Variants in PLCB1 observed in about 807,000 individuals in gnomAD.
PLCB1 encodes 1-phosphatidylinositol 4,5-bisphosphate phosphodiesterase beta-1.
PLCB1 carries 46 observed loss-of-function variants against 161.8 expected under a neutral mutation model. That is an observed-to-expected ratio of 0.28 (90% CI 0.22 to 0.36). The LOEUF (loss-of-function observed/expected upper bound fraction) is 0.36, where lower values mean the gene tolerates loss of function less well. PLCB1 is among the 10% of genes least tolerant of loss of function. PLCB1 has a pLI of 1.00. For synonymous variants in PLCB1, 517 were observed against 503.7 expected, an observed-to-expected ratio of 1.03 and a Z score of -0.35; for missense variants, 1,016 against 1,472.5, an observed-to-expected ratio of 0.69 and a Z score of 5.07.
At position 8,586,560 on chromosome 20, in the gene PLCB1, C is replaced by T. The variant is rs952190962; in HGVS notation, c.247-41734C>T. ...GTGGCAGAGCCAGGCTTGATAATTA[C>T]GTCCCTTACATTGGCCGGCCTGATA... On this transcript the variant is annotated intron_variant, in intron 3 of 31. Coordinates refer to ENST00000338037, the MANE Select transcript of PLCB1 (RefSeq NM_015192.4). Among the ~76,000 whole-genome samples, 9 of 152,098 alleles carry T rather than the reference C, an allele frequency of 5.9e-5. No individual in the cohort carries two copies. In the East Asian group the frequency reaches 1.4e-3, roughly 23 times the overall value.
At position 8,505,604 on chromosome 20, in the gene PLCB1, G is replaced by T. The variant is rs554427636; in HGVS notation, c.247-122690G>T. On this transcript the variant is annotated intron_variant, in intron 3 of 31. Transcript: ENST00000338037. ...ATTGCTTATTACTGTACCGTCAAGT[G>T]AAATGCTCCATGAAATATGTTCTGT... is the stretch of plus-strand genomic sequence containing the variant. Among the ~76,000 whole-genome samples, 7 of 152,314 alleles carry T rather than the reference G, an allele frequency of 4.6e-5. No homozygotes were observed. In the South Asian group the frequency reaches 1.5e-3, roughly 32 times the overall value.
At position 8,678,857 on chromosome 20, in the gene PLCB1, C is replaced by G. The variant is rs138643989; in HGVS notation, c.863-6075C>G. Reference sequence around the variant, plus strand: ...TCAGAAGAGTCCTGAAATTTACATCCCCAAGAAGGTTCCTATCTGGCCAAC... The same window carrying G: ...TCAGAAGAGTCCTGAAATTTACATCGCCAAGAAGGTTCCTATCTGGCCAAC... On this transcript the variant is annotated intron_variant, in intron 9 of 31. Transcript: ENST00000338037. Among the ~76,000 whole-genome samples, 23 of 152,256 alleles carry G rather than the reference C, an allele frequency of 1.5e-4. No individual in the cohort carries two copies. The East Asian group carries it at 2.9e-3, about 19-fold the overall frequency.
chr20:8,546,824 CA>C (rs1985569882), intron 3 of PLCB1, among the ~76,000 whole-genome samples: 1 of 151,392 alleles, frequency 6.6e-6, no homozygotes, highest in Admixed American at 6.6e-5. Flanking sequence ...TTCTGTTTTC[CA>C]AAAAGAGTTT....
At chr20:8,203,119 A>C (rs1189611103) in intron 2 of PLCB1, among the ~76,000 whole-genome samples, 1 of 152,130 alleles carries the variant, frequency 6.6e-6, no homozygotes, top group African/African-American at 2.4e-5. Flanking sequence ...ACACACGTAC[A>C]CACACAGAGG....
chr20:8,241,090 G>T (rs1449080045), intron 2 of PLCB1, among the ~76,000 whole-genome samples: 1 of 151,870 alleles, frequency 6.6e-6, no homozygotes, highest in Non-Finnish European at 1.5e-5. Flanking sequence ...CATGTTTTGG[G>T]TATTTCCTAA....
chr20:8,686,787 A>T (rs933168289), intron 10 of PLCB1, among the ~76,000 whole-genome samples: 38 of 152,260 alleles, frequency 2.5e-4, no homozygotes, highest in African/African-American at 8.9e-4. Context: ...GTTCTGGCAC[A>T]TAGAGATCTT....
At chr20:8,838,004 A>C in intron 31 of PLCB1, among the ~76,000 whole-genome samples, 1 of 152,100 alleles carries the variant, frequency 6.6e-6, no homozygotes, top group East Asian at 1.9e-4. Context: ...GTTCCTGGAA[A>C]GTAAAAGAGA....
At chr20:8,146,568 T>C (rs946086687) in intron 1 of PLCB1, among the ~76,000 whole-genome samples, 1 of 152,222 alleles carries the variant, frequency 6.6e-6, no homozygotes, top group African/African-American at 2.4e-5. Context: ...TGTCATTTCG[T>C]CTCAGTTTCT....
intron 27 of PLCB1, among the ~76,000 whole-genome samples, chr20:8,782,249 C>T (rs1446809611): frequency 6.6e-6 from 1 of 152,114 alleles, no homozygotes; most frequent in Non-Finnish European, 1.5e-5. Flanking sequence ...GATTATAGCT[C>T]TGGGTAGACA....
At position 8,823,346 on chromosome 20, in the gene PLCB1, C is replaced by T. The variant is rs145585124; in HGVS notation, c.3423+33085C>T. On this transcript the variant is annotated intron_variant, in intron 31 of 31. Coordinates refer to ENST00000338037, the MANE Select transcript of PLCB1 (RefSeq NM_015192.4). Reference sequence around the variant, plus strand: ...CCATGTTGGCCAGGCTAGTCTGAAACTCCTGACCTCAGGTGATCTGCCTGC... The same window carrying T: ...CCATGTTGGCCAGGCTAGTCTGAAATTCCTGACCTCAGGTGATCTGCCTGC... Among the ~76,000 whole-genome samples the T allele has an allele frequency of 1.3e-3, 196 of 152,294 alleles. 1 individual carries two copies. Among genetic ancestry groups the T allele is most frequent in the African/African-American group, 4.5e-3 (188 of 41,564 alleles).
At position 8,368,776 on chromosome 20, in the gene PLCB1, A is replaced by T. The variant is rs549775929; in HGVS notation, c.178-2606A>T. 4.1e-4 allele frequency among the ~76,000 whole-genome samples: 63 copies of T among 152,242 alleles called. 1 individual carries two copies. The highest frequency in any genetic ancestry group is 2.1e-3 in the South Asian group (10 of 4,822). ...CTAATGCTCCATATACCTCTGTGAC[A>T]TATCCTAAGTGGGTTGTAGTTTTCT... On this transcript the variant is annotated intron_variant, in intron 2 of 31. Coordinates refer to ENST00000338037, the MANE Select transcript of PLCB1 (RefSeq NM_015192.4).
At chr20:8,769,844 G>A (rs961386335) in intron 26 of PLCB1, among the ~76,000 whole-genome samples, 2 of 152,116 alleles carry the variant, frequency 1.3e-5, no homozygotes, top group African/African-American at 4.8e-5. Flanking sequence ...GAGATAAGAT[G>A]CATTTTTTAG....
intron 4 of PLCB1, among the ~76,000 whole-genome samples, chr20:8,640,043 A>G (rs1988895849): frequency 6.6e-6 from 1 of 152,218 alleles, no homozygotes; most frequent in Non-Finnish European, 1.5e-5. Flanking sequence ...CAAGGGCAAA[A>G]TACCCTCTTC....
chr20:8,264,305 C>T (rs562045501), intron 2 of PLCB1, among the ~76,000 whole-genome samples: 1 of 152,114 alleles, frequency 6.6e-6, no homozygotes, highest in South Asian at 2.1e-4. Flanking sequence ...GAACTGTCAC[C>T]TCATATGATA....
intron 2 of PLCB1, among the ~76,000 whole-genome samples, chr20:8,331,215 G>C (rs1342402155): frequency 6.6e-6 from 1 of 152,212 alleles, no homozygotes; most frequent in Non-Finnish European, 1.5e-5. Context: ...AAAGTGGTCT[G>C]AGGACCCATT....
intron 2 of PLCB1, among the ~76,000 whole-genome samples, chr20:8,269,670 C>T (rs551150586): frequency 4.0e-4 from 61 of 152,062 alleles, no homozygotes; most frequent in African/African-American, 1.2e-3. Flanking sequence ...AAAACTGAAA[C>T]GTAAGTTTTG....
intron 2 of PLCB1, among the ~76,000 whole-genome samples, chr20:8,361,043 A>G (rs948389527): frequency 6.6e-6 from 1 of 152,358 alleles, no homozygotes. Flanking sequence ...GTGATGAGAG[A>G]GAAAAGAAAA....
chr20:8,261,313 C>T (rs1366468063), intron 2 of PLCB1, among the ~76,000 whole-genome samples: 1 of 152,064 alleles, frequency 6.6e-6, no homozygotes, highest in Non-Finnish European at 1.5e-5. Context: ...GCTTAGAGAG[C>T]ATATTGACAT....
intron 2 of PLCB1, among the ~76,000 whole-genome samples, chr20:8,152,630 C>T (rs2051520767): frequency 6.6e-6 from 1 of 151,158 alleles, no homozygotes; most frequent in Admixed American, 6.6e-5. Context: ...GATAATCTCT[C>T]AGAAAACAAA....
Sources: gnomAD v4.1 joint callset for allele counts (sites outside exome capture counted in the v4.1 genomes callset) on GRCh38, gnomAD v4.1.1 for gene constraint, MANE v1.5 for transcripts, NCBI Gene and HGNC (gene_info 2026-07-23, HGNC 2026-07-21) for gene names.